Variants in CFAP299 observed in about 807,000 individuals in gnomAD.
The protein encoded by CFAP299 is cilia- and flagella-associated protein 299.
Under a neutral mutation model 27.0 loss-of-function variants are expected in CFAP299, and 21 were observed. The ratio of observed to expected loss-of-function variants is 0.78; its 90% CI spans 0.55 to 1.12. The LOEUF (loss-of-function observed/expected upper bound fraction) is 1.12, where lower values mean the gene tolerates loss of function less well. Among genes scored for constraint, CFAP299 ranks in the 50% most tolerant of loss-of-function variants. CFAP299 has a pLI of 0.00. For missense variants in CFAP299, 310 were observed against 276.6 expected, an observed-to-expected ratio of 1.12 and a Z score of -0.86; for synonymous variants, 104 against 98.1, an observed-to-expected ratio of 1.06 and a Z score of -0.36.
At chr4:80,672,357 C>G (rs547767566) in intron 3 of CFAP299, among the ~76,000 whole-genome samples, 1 of 152,338 alleles carries the variant, frequency 6.6e-6, no homozygotes, top group African/African-American at 2.4e-5. Context: ...ATGAAGCCAA[C>G]TTGATCGTGG....
intron 2 of CFAP299, among the ~76,000 whole-genome samples, chr4:80,544,788 AC>A (rs1734152283): frequency 1.3e-5 from 2 of 152,154 alleles, no homozygotes; most frequent in Non-Finnish European, 2.9e-5. Flanking sequence ...ACACCCAATG[AC>A]AGTGTTAGAT....
At chr4:80,631,358 AC>A (rs1215134348) in intron 3 of CFAP299, among the ~76,000 whole-genome samples, 4 of 152,108 alleles carry the variant, frequency 2.6e-5, no homozygotes, top group Admixed American at 2.6e-4. Flanking sequence ...CAGTGCAAAT[AC>A]TTTGAACAGA....
intron 2 of CFAP299, among the ~76,000 whole-genome samples, chr4:80,568,172 T>C (rs921240319): frequency 7.2e-5 from 11 of 151,896 alleles, no homozygotes; most frequent in Non-Finnish European, 4.4e-5. Flanking sequence ...GATCAATTAA[T>C]ATTATACAAA....
intron 2 of CFAP299, among the ~76,000 whole-genome samples, chr4:80,405,118 A>G (rs762487740): frequency 1.3e-5 from 2 of 152,194 alleles, no homozygotes; most frequent in Non-Finnish European, 2.9e-5. Context: ...GCCAGTTTCC[A>G]TACCTGCCCA....
rs543866869 is a variant in CFAP299 at position 80,465,729 on chromosome 4, G to A, written c.242+102845G>A. On this transcript the variant is annotated intron_variant, in intron 2 of 5. Transcript: ENST00000358105. ...ATACAATAAAAAACTAAACCAAACA[G>A]ACCAAACACACAAACATAAGGAATC... Among the ~76,000 whole-genome samples the A allele has an allele frequency of 8.5e-5, 13 of 152,244 alleles. No individual in the cohort carries two copies. In the East Asian group the frequency reaches 2.5e-3, roughly 29 times the overall value.
chr4:80,340,059 C>G (rs1722364092), intron 1 of CFAP299, among the ~76,000 whole-genome samples: 1 of 152,166 alleles, frequency 6.6e-6, no homozygotes, highest in Non-Finnish European at 1.5e-5. Flanking sequence ...CTAGAAGCAA[C>G]TGCAGTCCAT....
intron 3 of CFAP299, among the ~76,000 whole-genome samples, chr4:80,678,578 C>A (rs957561688): frequency 6.6e-6 from 1 of 152,024 alleles, no homozygotes; most frequent in African/African-American, 2.4e-5. Context: ...CATTTTCACA[C>A]ACCTAATGAG....
At position 80,612,743 on chromosome 4, in the gene CFAP299, AAATT is replaced by A. The variant is rs140321360; in HGVS notation, c.333+29567_333+29570del. Among the ~76,000 whole-genome samples the A allele has an allele frequency of 6.8e-3, 1,034 of 152,230 alleles. 16 individuals carry two copies. The highest frequency in any genetic ancestry group is 0.024 in the African/African-American group (992 of 41,532). On this transcript the variant is annotated intron_variant, in intron 3 of 5. Transcript: ENST00000358105. ...AACTCTGAATTAAGTACATAGTTTG[AAATT>A]AATTAAGTAGCTCAGAATGCCTTTG...
At chr4:80,664,405 G>A (rs2109985375) in intron 3 of CFAP299, among the ~76,000 whole-genome samples, 1 of 152,222 alleles carries the variant, frequency 6.6e-6, no homozygotes. Context: ...GCCCATGACT[G>A]GGGTTGCTGC....
intron 3 of CFAP299, among the ~76,000 whole-genome samples, chr4:80,805,015 T>A (rs1418458363): frequency 1.3e-5 from 2 of 152,122 alleles, no homozygotes; most frequent in Non-Finnish European, 2.9e-5. Context: ...CCTTTGGGAT[T>A]TCCTTTTGTG....
intron 2 of CFAP299, among the ~76,000 whole-genome samples, chr4:80,403,253 C>T (rs1402781676): frequency 1.3e-5 from 2 of 152,058 alleles, no homozygotes; most frequent in Non-Finnish European, 2.9e-5. Flanking sequence ...AAGCTCACAA[C>T]AATAAATAAA....
chr4:80,815,566 A>T (rs1280285706), intron 3 of CFAP299, among the ~76,000 whole-genome samples: 1 of 152,050 alleles, frequency 6.6e-6, no homozygotes, highest in African/African-American at 2.4e-5. Context: ...TATTAGTTTA[A>T]AAGTTAATAA....
At chr4:80,344,661 A>T (rs906166422) in intron 1 of CFAP299, among the ~76,000 whole-genome samples, 1 of 152,360 alleles carries the variant, frequency 6.6e-6, no homozygotes, top group Middle Eastern at 3.4e-3. Flanking sequence ...TATTATCCTG[A>T]TACCATAACT....
intron 1 of CFAP299, among the ~76,000 whole-genome samples, chr4:80,337,422 G>C (rs552409850): frequency 1.4e-5 from 2 of 146,704 alleles, no homozygotes. Context: ...TTTTGAGATA[G>C]AGTTTCACTC....
chr4:80,386,486 G>T (rs1477110705), intron 2 of CFAP299: 11 of 1,550,294 alleles, frequency 7.1e-6, no homozygotes, highest in Non-Finnish European at 5.2e-6. Flanking sequence ...CACGGCGCGG[G>T]GCTGCCCTCT....
chr4:80,858,534 C>T (rs368001927), intron 3 of CFAP299, among the ~76,000 whole-genome samples: 17 of 151,870 alleles, frequency 1.1e-4, no homozygotes, highest in Admixed American at 2.6e-4. Context: ...CTGCTTTCTC[C>T]TGTGGGCATG....
intron 2 of CFAP299, among the ~76,000 whole-genome samples, chr4:80,488,100 C>A (rs1470428681): frequency 6.6e-6 from 1 of 152,114 alleles, no homozygotes; most frequent in East Asian, 1.9e-4. Context: ...ATGATTTGGA[C>A]AAAGTACTGT....
intron 3 of CFAP299, among the ~76,000 whole-genome samples, chr4:80,661,146 C>T (rs1740822646): frequency 6.6e-6 from 1 of 151,772 alleles, no homozygotes; most frequent in South Asian, 2.1e-4. Context: ...ACCAATATGG[C>T]AAAATCCCGT....
chr4:80,413,231 G>A (rs1726819080), intron 2 of CFAP299, among the ~76,000 whole-genome samples: 2 of 152,162 alleles, frequency 1.3e-5, no homozygotes, highest in Non-Finnish European at 2.9e-5. Context: ...AGAGCCAGAC[G>A]TTGCTGTCAT....
Sources: allele counts gnomAD v4.1 joint callset (sites outside exome capture counted in the v4.1 genomes callset), GRCh38; gene constraint gnomAD v4.1.1; transcripts MANE v1.5; gene names NCBI Gene and HGNC (gene_info 2026-07-23, HGNC 2026-07-21).